ARV1: variants seen among roughly 807,000 people sequenced by gnomAD.
The protein encoded by ARV1 is protein ARV1.
In ARV1, 26 loss-of-function variants were observed where a neutral mutation model predicts 31.1. That is an observed-to-expected ratio of 0.84 (90% CI 0.61 to 1.16). The LOEUF is 1.16. Among genes scored for constraint, ARV1 ranks in the 50% most tolerant of loss-of-function variants. The probability of loss-of-function intolerance (pLI) is 0.00; values close to 1 mark genes in which losing one functional copy is unlikely to be tolerated. For missense variants in ARV1, 281 were observed against 324.9 expected, an observed-to-expected ratio of 0.86 and a Z score of 1.04; for synonymous variants, 117 against 123.2, an observed-to-expected ratio of 0.95 and a Z score of 0.34.
At chr1:230,983,336 C>T (rs923488378) in intron 1 of ARV1, among the ~76,000 whole-genome samples, 14 of 147,828 alleles carry the variant, frequency 9.5e-5, no homozygotes, top group African/African-American at 2.8e-4. Flanking sequence ...CTCTTGAACC[C>T]GGGAGGCAGA....
rs1572338463 is a variant in ARV1, at chr1:230,988,369, T to C, written c.224T>C (p.Ile75Thr). The change falls in exon 2 of 6, where the codon ATC becomes ACC. Residue 75 changes from isoleucine to threonine, a missense_variant. Transcript: ENST00000310256. ...VDKYIEYDPV[I>T]ILINAILCKA... ...AAATATATCGAGTATGATCCTGTTA[T>C]CATCTTGATTAATGCTATATTGTGC... is the stretch of plus-strand genomic sequence containing the variant. 1 of 1,594,988 alleles carries C rather than the reference T, an allele frequency of 6.3e-7. No homozygotes were observed. Among genetic ancestry groups the C allele is most frequent in the Non-Finnish European group, 8.6e-7 (1 of 1,164,564 alleles).
Position 230,984,363 on chromosome 1 carries a change from C to CGCGTGCGTGT in ARV1, c.175-3956_175-3955insCGTGCGTGTG, listed in dbSNP as rs1191353620. Among the ~76,000 whole-genome samples the CGCGTGCGTGT allele has an allele frequency of 3.4e-3, 447 of 129,840 alleles. 2 individuals carry two copies. The highest frequency in any genetic ancestry group is 5.0e-3 in the East Asian group (20 of 3,984). 85.2% of individuals were successfully genotyped at this position (129,840 alleles called of 152,430 possible). A position where few individuals can be genotyped will look rare whatever the true frequency, so the allele number is the denominator to read the frequency against. ...TGTTTCGTGTGTGTGTGTGTGTGTG[C>CGCGTGCGTGT]GTGTGTGTGTGTGTGTGTGTGTGTG... On this transcript the variant is annotated intron_variant, in intron 1 of 5. Transcript: ENST00000310256.
intron 5 of ARV1, among the ~76,000 whole-genome samples, chr1:230,997,563 C>G (rs1679405378): frequency 6.6e-6 from 1 of 152,164 alleles, no homozygotes. Context: ...ATTGCAGACT[C>G]TAAAACTGTC....
At chr1:230,981,982 A>G (rs1678922787) in intron 1 of ARV1, among the ~76,000 whole-genome samples, 1 of 152,176 alleles carries the variant, frequency 6.6e-6, no homozygotes, top group Admixed American at 6.5e-5. Flanking sequence ...GAAAAGTATG[A>G]TATGCTTCCC....
intron 1 of ARV1, among the ~76,000 whole-genome samples, chr1:230,984,369 T>TGTGTGTGCGTGC (rs1679000032): frequency 1.1e-5 from 1 of 88,460 alleles, no homozygotes; most frequent in African/African-American, 4.1e-5. Flanking sequence ...TGTGCGTGTG[T>TGTGTGTGCGTGC]GTGTGTGTGT....
chr1:230,980,985 A>G (rs1048359961), intron 1 of ARV1, among the ~76,000 whole-genome samples: 1 of 152,152 alleles, frequency 6.6e-6, no homozygotes, highest in Non-Finnish European at 1.5e-5. Flanking sequence ...ACTTTGCTAA[A>G]TCCAGTAGTC....
At chr1:230,996,137 A>G (rs1304088387) in intron 4 of ARV1, among the ~76,000 whole-genome samples, 153 bp downstream of exon 4, 1 of 152,200 alleles carries the variant, frequency 6.6e-6, no homozygotes, top group Non-Finnish European at 1.5e-5. Flanking sequence ...CACCTTATAC[A>G]TAGCAGGTAC....
intron 1 of ARV1, among the ~76,000 whole-genome samples, chr1:230,981,847 A>T (rs1049435746): frequency 6.6e-6 from 1 of 152,100 alleles, no homozygotes; most frequent in Non-Finnish European, 1.5e-5. Context: ...TGTTTCTCAG[A>T]CCAGGCAGGT....
Position 230,995,754 on chromosome 1 carries a change from C to T in ARV1, c.449-6C>T, listed in dbSNP as rs755269442. 2.5e-6 allele frequency: 4 copies of T among 1,604,834 alleles called. No individual in the cohort carries two copies. The East Asian group carries it at 8.9e-5, about 36-fold the overall frequency. ...TTCATACTTTTATTTTCCATTTCTT[C>T]TTTAGAACAAACTGCCTATTTTATT... On this transcript the variant is annotated splice_polypyrimidine_tract_variant and splice_region_variant and intron_variant, in intron 3 of 5. Transcript: ENST00000310256.
intron 1 of ARV1, among the ~76,000 whole-genome samples, chr1:230,985,797 A>T (rs1243046496): frequency 6.6e-6 from 1 of 152,174 alleles, no homozygotes; most frequent in African/African-American, 2.4e-5. Flanking sequence ...CCTATCAAAC[A>T]GCTGTTTGTC....
At position 230,995,582 on chromosome 1, in the gene ARV1, T is replaced by TAA. The variant is rs36036399; in HGVS notation, c.449-167_449-166dup. On this transcript the variant is annotated intron_variant, in intron 3 of 5. Transcript: ENST00000310256. ...CTAATACAAAAGCCAGGGGTTTATT[T>TAA]AAAAAAAAAAAACAACACACAAACA... 3.1e-3 allele frequency among the ~76,000 whole-genome samples: 440 copies of TAA among 141,708 alleles called. 3 individuals carry two copies. Among genetic ancestry groups the TAA allele is most frequent in the African/African-American group, 5.1e-3 (191 of 37,688 alleles). 93.0% of individuals were successfully genotyped at this position (141,708 alleles called of 152,430 possible). A position where few individuals can be genotyped will look rare whatever the true frequency, so the allele number is the denominator to read the frequency against.
intron 5 of ARV1, among the ~76,000 whole-genome samples, chr1:230,998,428 G>C (rs552427555): frequency 1.8e-4 from 27 of 152,074 alleles, no homozygotes; most frequent in Admixed American, 1.6e-3. Context: ...CACCTTTTTG[G>C]GTCTTCAGAC....
chr1:230,984,343 CGTGTG>C (rs1678990583), intron 1 of ARV1, among the ~76,000 whole-genome samples: 1 of 119,224 alleles, frequency 8.4e-6, no homozygotes, highest in African/African-American at 2.9e-5. Context: ...TTGTTTGTTT[CGTGTG>C]TGTGTGTGTG....
At chr1:230,994,166 G>A (rs1679302444) in intron 3 of ARV1, among the ~76,000 whole-genome samples, 1 of 151,970 alleles carries the variant, frequency 6.6e-6, no homozygotes, top group Non-Finnish European at 1.5e-5. Context: ...GAACTGACCT[G>A]ATTGATGAGA....
At chr1:230,979,375 C>T (rs898643782) in intron 1 of ARV1, 96 bp downstream of exon 1, 3 of 1,378,428 alleles carry the variant, frequency 2.2e-6, no homozygotes, top group South Asian at 1.3e-5. Context: ...GTCTTTAGTT[C>T]GGTAGTTGAC....
In ARV1 at chr1:230,979,255, C is replaced by T; in HGVS notation, c.150C>T (p.His50=). 3 of 1,612,986 alleles carry T rather than the reference C, an allele frequency of 1.9e-6. No homozygotes were observed. Among genetic ancestry groups the T allele is most frequent in the East Asian group, 2.2e-5 (1 of 44,750 alleles). ...EAKELYRDYN[H]GVLKITICKS... ...AAGAGTTGTACCGAGACTATAACCACGGTGTGCTGAAGATAACCATCTGTG... is the reference window on the plus strand; with the variant it reads ...AAGAGTTGTACCGAGACTATAACCATGGTGTGCTGAAGATAACCATCTGTG... Residue 50 remains histidine (H), a synonymous_variant, in exon 1 of 6, where the codon CAC becomes CAT. Coordinates refer to ENST00000310256, the MANE Select transcript of ARV1 (RefSeq NM_022786.3).
At chr1:230,986,666 C>CTCTTTTTTTTTTT (rs1558242688) in intron 1 of ARV1, among the ~76,000 whole-genome samples, 2 of 79,690 alleles carry the variant, frequency 2.5e-5, no homozygotes, top group Non-Finnish European at 5.0e-5. Flanking sequence ...AATACTTTTC[C>CTCTTTTTTTTTTT]TATTTTTTTT....
rs1166481588 is a variant in ARV1, at chr1:230,990,337, T to C, written c.448+74T>C. On this transcript the variant is annotated intron_variant, in intron 3 of 5. Transcript: ENST00000310256. ...CTAATCTGGTTAAAACTAAGACATG[T>C]AGTCTTAATTGTTGGTAAGAAGAGC... 4 of 1,540,990 alleles carry C rather than the reference T, an allele frequency of 2.6e-6. No homozygotes were observed. The East Asian group carries it at 9.0e-5, about 35-fold the overall frequency.
chr1:230,979,834 T>G (rs1342282904), intron 1 of ARV1, among the ~76,000 whole-genome samples: 1 of 152,130 alleles, frequency 6.6e-6, no homozygotes, highest in Non-Finnish European at 1.5e-5. Context: ...CATCTCAGAG[T>G]TAAGGCCCGA....
Sources: gnomAD v4.1 joint callset for allele counts (sites outside exome capture counted in the v4.1 genomes callset) on GRCh38, gnomAD v4.1.1 for gene constraint, MANE v1.5 for transcripts, NCBI Gene and HGNC (gene_info 2026-07-23, HGNC 2026-07-21) for gene names.